Variants in SRMS observed in about 807,000 individuals in gnomAD.
SRMS encodes the protein src-related kinase lacking C-terminal regulatory tyrosine and N-terminal myristylation sites.
A neutral mutation model predicts 43.5 loss-of-function variants in SRMS; 42 were observed. The ratio of observed to expected loss-of-function variants is 0.97; its 90% CI spans 0.75 to 1.25. SRMS has a LOEUF of 1.25. SRMS is among the 50% of genes most tolerant of loss of function. The probability of loss-of-function intolerance (pLI) is 0.00; values close to 1 mark genes in which losing one functional copy is unlikely to be tolerated. For synonymous variants in SRMS, 316 were observed against 308.2 expected (o/e 1.03, Z -0.27); for missense variants, 703 against 681.0 (o/e 1.03, Z -0.36).
rs767758860 is a variant in SRMS, at chr20:63,542,478, A to G, written c.749T>C (p.Leu250Pro). 6.2e-7 allele frequency: 1 copy of G among 1,612,558 alleles called. No individual in the cohort carries two copies. The highest frequency in any genetic ancestry group is 1.1e-5 in the South Asian group (1 of 91,058). ...YFGEVWEGLW[L>P]GSLPVAIKVI... ...CTTGATCGCCACGGGCAGGGAGCCCAGCCACAGGCCTTCCCACACCTCCCC... is the reference window on the plus strand; with the variant it reads ...CTTGATCGCCACGGGCAGGGAGCCCGGCCACAGGCCTTCCCACACCTCCCC... Residue 250 changes from leucine (L) to proline (P), a missense_variant, in exon 4 of 8, where the codon CTG becomes CCG. Leu to Pro is a moderately conservative substitution (Grantham distance 98). Coordinates refer to ENST00000217188, the MANE Select transcript of SRMS (RefSeq NM_080823.4).
rs575433962 is a variant in SRMS, at chr20:63,540,725, C to T, written c.*93G>A. The T allele has an allele frequency of 8.0e-5, 117 of 1,461,326 alleles. No individual in the cohort carries two copies. In the African/African-American group the frequency reaches 1.5e-3, roughly 18 times the overall value. The allele number at this position is 1,461,326 out of a possible 1,614,324, so 90.5% of individuals were successfully genotyped here. A position where few individuals can be genotyped will look rare whatever the true frequency, so the allele number is the denominator to read the frequency against. On this transcript the variant is annotated 3_prime_UTR_variant, in exon 8 of 8. Coordinates refer to ENST00000217188, the MANE Select transcript of SRMS (RefSeq NM_080823.4). ...CTGAGGCCCACAGCCAGAGGCTCCT[C>T]GGTCCGGCAGACCGGCATCCCTTCG...
Position 63,541,008 on chromosome 20 carries a change from C to A in SRMS, c.1286-9G>T. The A allele has an allele frequency of 1.2e-6, 2 of 1,608,194 alleles. No homozygotes were observed. Among genetic ancestry groups the A allele is most frequent in the East Asian group, 2.2e-5 (1 of 44,836 alleles). On this transcript the variant is annotated splice_polypyrimidine_tract_variant and intron_variant, in intron 7 of 7. Transcript: ENST00000217188. ...CTCGTGGTTGGTCATCCCTGGGAGG[C>A]GCGGGGCAAGAGCTGCCTCGATTCT...
chr20:63,540,351 T>C lies in SRMS; in HGVS notation c.*467A>G, dbSNP rs1354730841. ...AGGGAGAGAACTGGGCCTTTGGCTC[T>C]TCACCCTGGGAGGGAGTCCAGGGGA... is the stretch of plus-strand genomic sequence containing the variant. On this transcript the variant is annotated 3_prime_UTR_variant, in exon 8 of 8. Coordinates refer to ENST00000217188, the MANE Select transcript of SRMS (RefSeq NM_080823.4). 1.3e-5 allele frequency among the ~76,000 whole-genome samples: 2 copies of C among 152,012 alleles called. No individual in the cohort carries two copies. The highest frequency in any genetic ancestry group is 4.8e-5 in the African/African-American group (2 of 41,266).
rs201141773 is a variant in SRMS at position 63,542,573 on chromosome 20, C to T, written c.654G>A (p.Pro218=). 85 of 1,126,084 alleles carry T rather than the reference C, an allele frequency of 7.5e-5. 1 individual carries two copies. The highest frequency in any genetic ancestry group is 4.7e-5 in the Non-Finnish European group (37 of 784,722). The allele number at this position is 1,126,084 out of a possible 1,614,324, so 69.8% of individuals were successfully genotyped here. ...LLQPCMPQKA[P]RQDVWERPHS... Reference sequence around the variant, plus strand: ...GTGGCCGCTCCCACACGTCCTGCCTCGGGGCCTTCTGCAGGGAGGGTGGGC... The same window carrying T: ...GTGGCCGCTCCCACACGTCCTGCCTTGGGGCCTTCTGCAGGGAGGGTGGGC... The change falls in exon 4 of 8, where the codon CCG becomes CCA. Residue 218 remains proline, a synonymous_variant. Transcript: ENST00000217188.
Position 63,540,682 on chromosome 20 carries a change from A to T in SRMS, c.*136T>A. On this transcript the variant is annotated 3_prime_UTR_variant, in exon 8 of 8. Transcript: ENST00000217188. ...CTGCACGTCTGCCTGGTGCACGAAC[A>T]TGTGTGCACGCCAGGGCCTGAGGCC... The T allele has an allele frequency of 9.0e-7, 1 of 1,112,022 alleles. No individual in the cohort carries two copies. Among genetic ancestry groups the T allele is most frequent in the Non-Finnish European group, 1.3e-6 (1 of 794,286 alleles). 68.9% of individuals were successfully genotyped at this position (1,112,022 alleles called of 1,614,324 possible). A position where few individuals can be genotyped will look rare whatever the true frequency, so the allele number is the denominator to read the frequency against.
chr20:63,543,801 TGAATGAAC>T, intron 2 of SRMS: 1 of 387,428 alleles, frequency 2.6e-6, no homozygotes, highest in Non-Finnish European at 4.6e-6. Context: ...AGTGAATGAA[TGAATGAAC>T]GAATAAGCAA....
In SRMS at chr20:63,547,586, AC is replaced by A. The variant is rs2082741092; in HGVS notation, c.-124del. On this transcript the variant is annotated 5_prime_UTR_variant, in exon 1 of 8. Coordinates refer to ENST00000217188, the MANE Select transcript of SRMS (RefSeq NM_080823.4). ...TGCCCTGGCCGTGGGGTGACAGGGG[AC>A]CCCGGCCCTGCGGTCACTCAGAGGT... 2.2e-6 allele frequency: 2 copies of A among 917,878 alleles called. No individual in the cohort carries two copies. Among genetic ancestry groups the A allele is most frequent in the African/African-American group, 3.5e-5 (2 of 56,496 alleles). 56.9% of individuals were successfully genotyped at this position (917,878 alleles called of 1,614,324 possible).
At chr20:63,542,141 T>C (rs2082707935) in intron 5 of SRMS, 22 bp downstream of exon 5, 1 of 1,596,478 alleles carries the variant, frequency 6.3e-7, no homozygotes, top group African/African-American at 1.3e-5. Flanking sequence ...CAGGGCCACG[T>C]GGCAGCAGGG....
intron 3 of SRMS, 40 bp from the exon 4 acceptor site, chr20:63,542,621 C>A (rs751648548): frequency 5.1e-5 from 80 of 1,572,384 alleles, no homozygotes; most frequent in Non-Finnish European, 6.8e-5. Flanking sequence ...CAGCGTGGGC[C>A]CCTGTGCTCT....
intron 1 of SRMS, among the ~76,000 whole-genome samples, 184 bp from the exon 2 acceptor site, chr20:63,544,532 T>G (rs1408807137): frequency 6.6e-6 from 1 of 152,196 alleles, no homozygotes; most frequent in Non-Finnish European, 1.5e-5. Context: ...GCCGGCCTCA[T>G]CCTCCTGCTC....
In SRMS at chr20:63,539,481, G is replaced by C. The variant is rs543481927; in HGVS notation, c.*1337C>G. Among the ~76,000 whole-genome samples the C allele has an allele frequency of 7.9e-5, 12 of 152,320 alleles. No individual in the cohort carries two copies. In the South Asian group the frequency reaches 2.5e-3, roughly 32 times the overall value. Reference sequence around the variant, plus strand: ...CCCAACTCTAGGGGACAAGGACTCAGTCAGGCCTGAACTTGTCTCCAAACT... The same window carrying C: ...CCCAACTCTAGGGGACAAGGACTCACTCAGGCCTGAACTTGTCTCCAAACT... On this transcript the variant is annotated 3_prime_UTR_variant, in exon 8 of 8. Transcript: ENST00000217188.
rs760700345 is a variant in SRMS, at chr20:63,539,783, C to T, written c.*1035G>A. ...CCCAGCATACCATGGCATCTACCTC[C>T]GAGCCCCCAACCGACCCTGCCTGAC... On this transcript the variant is annotated 3_prime_UTR_variant, in exon 8 of 8. Coordinates refer to ENST00000217188, the MANE Select transcript of SRMS (RefSeq NM_080823.4). Among the ~76,000 whole-genome samples the T allele has an allele frequency of 1.3e-5, 2 of 152,170 alleles. No individual in the cohort carries two copies. The highest frequency in any genetic ancestry group is 1.3e-4 in the Admixed American group (2 of 15,284).
intron 3 of SRMS, 38 bp downstream of exon 3, chr20:63,543,276 G>A (rs373711992): frequency 6.8e-5 from 109 of 1,604,692 alleles, no homozygotes; most frequent in African/African-American, 3.1e-4. Flanking sequence ...GCCATGCCTC[G>A]GGCCCAGCAT....
rs779467714 is a variant in SRMS at position 63,547,281 on chromosome 20, G to A, written c.183C>T (p.Asp61=). ...PFPQLFLALY[D]FTARCGGELS... is the part of the protein sequence containing the mutation. ...GCTCCCCGCCACACCGCGCCGTGAA[G>A]TCATAGAGCGCAAGGAAGAGCTGAG... Residue 61 remains aspartate, a synonymous_variant, in exon 1 of 8, where the codon GAC becomes GAT. Coordinates refer to ENST00000217188, the MANE Select transcript of SRMS (RefSeq NM_080823.4). 14 of 1,609,176 alleles carry A rather than the reference G, an allele frequency of 8.7e-6. No homozygotes were observed. The highest frequency in any genetic ancestry group is 6.6e-5 in the South Asian group (6 of 90,798).
rs1466357472 is a variant in SRMS, at chr20:63,547,554, C to T, written c.-91G>A. Reference sequence around the variant, plus strand: ...AGGGCCGGTGGGACCCGGTGTCCAGCGCTCCCTGCCCTGGCCGTGGGGTGA... The same window carrying T: ...AGGGCCGGTGGGACCCGGTGTCCAGTGCTCCCTGCCCTGGCCGTGGGGTGA... On this transcript the variant is annotated 5_prime_UTR_variant, in exon 1 of 8. Transcript: ENST00000217188. The T allele has an allele frequency of 3.2e-5, 40 of 1,251,210 alleles. No individual in the cohort carries two copies. The East Asian group carries it at 4.5e-4, about 14-fold the overall frequency. 77.5% of individuals were successfully genotyped at this position (1,251,210 alleles called of 1,614,324 possible). A position where few individuals can be genotyped will look rare whatever the true frequency, so the allele number is the denominator to read the frequency against.
Position 63,539,492 on chromosome 20 carries a change from A to C in SRMS, c.*1326T>G, listed in dbSNP as rs2145981265. The stretch of plus-strand genomic sequence containing the variant: ...GGGACAAGGACTCAGTCAGGCCTGA[A>C]CTTGTCTCCAAACTTTCTGTCCCCG... On this transcript the variant is annotated 3_prime_UTR_variant, in exon 8 of 8. Coordinates refer to ENST00000217188, the MANE Select transcript of SRMS (RefSeq NM_080823.4). Among the ~76,000 whole-genome samples, 1 of 152,292 alleles carries C rather than the reference A, an allele frequency of 6.6e-6. No individual in the cohort carries two copies. Among genetic ancestry groups the C allele is most frequent in the African/African-American group, 2.4e-5 (1 of 41,564 alleles).
intron 7 of SRMS, 42 bp from the exon 8 acceptor site, chr20:63,541,041 G>A: frequency 2.5e-6 from 4 of 1,605,346 alleles, no homozygotes; most frequent in Non-Finnish European, 2.5e-6. Flanking sequence ...TCTGCCTGGG[G>A]GTCCCTATGG....
Position 63,547,526 on chromosome 20 carries a change from G to C in SRMS, c.-63C>G. ...AGCCCGCGAGCCCGGAAGAGGAACTGGCAGGGCCGGTGGGACCCGGTGTCC... is the reference window on the plus strand; with the variant it reads ...AGCCCGCGAGCCCGGAAGAGGAACTCGCAGGGCCGGTGGGACCCGGTGTCC... On this transcript the variant is annotated 5_prime_UTR_variant, in exon 1 of 8. Transcript: ENST00000217188. 1 of 1,400,314 alleles carries C rather than the reference G, an allele frequency of 7.1e-7. No individual in the cohort carries two copies. Among genetic ancestry groups the C allele is most frequent in the East Asian group, 2.7e-5 (1 of 36,622 alleles). 86.7% of individuals were successfully genotyped at this position (1,400,314 alleles called of 1,614,324 possible). A position where few individuals can be genotyped will look rare whatever the true frequency, so the allele number is the denominator to read the frequency against.
At chr20:63,545,102 A>T (rs1382702245) in intron 1 of SRMS, among the ~76,000 whole-genome samples, 1 of 152,142 alleles carries the variant, frequency 6.6e-6, no homozygotes, top group East Asian at 1.9e-4. Context: ...CCCACTCCTC[A>T]GATGCCCACA....
Sources: allele counts gnomAD v4.1 joint callset (sites outside exome capture counted in the v4.1 genomes callset), GRCh38; gene constraint gnomAD v4.1.1; transcripts MANE v1.5; gene names NCBI Gene and HGNC (gene_info 2026-07-23, HGNC 2026-07-21).